IL1RAPL1: variants seen among roughly 807,000 people sequenced by gnomAD.
IL1RAPL1 encodes interleukin 1 receptor accessory protein like 1, also known as interleukin-1 receptor accessory protein-like 1.
In IL1RAPL1, 3 loss-of-function variants were observed where a neutral mutation model predicts 48.4. That is an observed-to-expected ratio of 0.06 (90% CI 0.03 to 0.16). The LOEUF (loss-of-function observed/expected upper bound fraction) is 0.16. Among genes scored for constraint, IL1RAPL1 ranks in the 10% least tolerant of loss-of-function variants. The pLI, the probability that IL1RAPL1 is intolerant of heterozygous loss-of-function variation, is 1.00. For synonymous variants in IL1RAPL1, 185 were observed against 187.7 expected, an observed-to-expected ratio of 0.99 and a Z score of 0.12; for missense variants, 349 against 530.6, an observed-to-expected ratio of 0.66 and a Z score of 3.36.
chrX:28,684,674 C>G (rs1436610635), intron 1 of IL1RAPL1, among the ~76,000 whole-genome samples: 7 of 111,647 alleles, frequency 6.3e-5, no homozygotes, highest in African/African-American at 2.3e-4. Context: ...AATGGTTGTT[C>G]AGCAGTCCAT....
At chrX:28,597,407 CTCT>C (rs1569135386) in intron 1 of IL1RAPL1, among the ~76,000 whole-genome samples, 1 of 111,690 alleles carries the variant, frequency 9.0e-6, no homozygotes, top group Admixed American at 9.5e-5. Flanking sequence ...ATCACTGGCT[CTCT>C]TCATTTTCCT....
intron 6 of IL1RAPL1, among the ~76,000 whole-genome samples, chrX:29,736,569 T>A (rs998582840): frequency 1.8e-5 from 2 of 111,389 alleles, no homozygotes; most frequent in African/African-American, 3.3e-5. Context: ...CTACTAAGAA[T>A]ACAAAAATTA....
intron 2 of IL1RAPL1, among the ~76,000 whole-genome samples, chrX:29,161,309 C>T (rs771252867): frequency 9.0e-6 from 1 of 111,598 alleles, no homozygotes; most frequent in East Asian, 2.8e-4. Flanking sequence ...AATCTGTATT[C>T]TAAGGGCATA....
intron 5 of IL1RAPL1, among the ~76,000 whole-genome samples, chrX:29,630,701 G>A (rs1213290935): frequency 9.0e-6 from 1 of 110,691 alleles, no homozygotes; most frequent in African/African-American, 3.3e-5. Flanking sequence ...ACCATGCCCA[G>A]CTAATTTTTT....
chrX:29,587,354 G>T (rs1923207007), intron 5 of IL1RAPL1, among the ~76,000 whole-genome samples: 1 of 86,659 alleles, frequency 1.2e-5, no homozygotes, highest in Non-Finnish European at 2.2e-5. Flanking sequence ...TAGAATGGTG[G>T]TTACCAGGGG....
At chrX:28,770,351 AG>A (rs1349871771) in intron 1 of IL1RAPL1, among the ~76,000 whole-genome samples, 1 of 111,414 alleles carries the variant, frequency 9.0e-6, no homozygotes, top group Non-Finnish European at 1.9e-5. Context: ...GTGTAGTTTA[AG>A]AACCCTCAAG....
chrX:28,969,091 CAGTACATCCTTCAATA>C, intron 2 of IL1RAPL1, among the ~76,000 whole-genome samples: 1 of 112,373 alleles, frequency 8.9e-6, no homozygotes, highest in Non-Finnish European at 1.9e-5. Context: ...AACTAATGGA[CAGTACATCCTTCAATA>C]AGGAGGAAGT....
chrX:29,687,121 A>G (rs1278576429), intron 6 of IL1RAPL1, among the ~76,000 whole-genome samples: 3 of 111,741 alleles, frequency 2.7e-5, no homozygotes, highest in Non-Finnish European at 3.8e-5. Context: ...AAATAGAACT[A>G]TGATATGTTC....
At chrX:29,628,777 G>T (rs1164360115) in intron 5 of IL1RAPL1, among the ~76,000 whole-genome samples, 5 of 112,075 alleles carry the variant, frequency 4.5e-5, no homozygotes, top group Admixed American at 1.9e-4. Flanking sequence ...GAAGAAGGAA[G>T]AGCTCAATAC....
chrX:29,430,229 C>T (rs909801270), intron 5 of IL1RAPL1, among the ~76,000 whole-genome samples: 20 of 111,063 alleles, frequency 1.8e-4, no homozygotes, highest in Admixed American at 1.4e-3. Flanking sequence ...TTCCTGGGGT[C>T]CCCTTACTAC....
Position 29,251,224 on chromosome X carries a change from A to T in IL1RAPL1, c.83-31714A>T, listed in dbSNP as rs1931612732. Among the ~76,000 whole-genome samples the T allele has an allele frequency of 2.6e-5, 3 of 113,246 alleles. No homozygotes were observed. In the Admixed American group the frequency reaches 2.8e-4, roughly 11 times the overall value. ...GTACGTCAGTGTATATAATTTGTCT[A>T]AATTCTGTATCTTTTATTTATCCAT... On this transcript the variant is annotated intron_variant, in intron 2 of 10. Coordinates refer to ENST00000378993, the MANE Select transcript of IL1RAPL1 (RefSeq NM_014271.4).
intron 2 of IL1RAPL1, among the ~76,000 whole-genome samples, chrX:29,280,134 A>C: frequency 8.9e-6 from 1 of 112,542 alleles, no homozygotes; most frequent in East Asian, 2.8e-4. Context: ...AACTGTTTAA[A>C]AAATTACCAC....
chrX:28,743,291 A>C (rs1205618952), intron 1 of IL1RAPL1, among the ~76,000 whole-genome samples: 1 of 111,621 alleles, frequency 9.0e-6, no homozygotes, highest in Non-Finnish European at 1.9e-5. Flanking sequence ...TAAATCTTAC[A>C]ATCATATCCT....
chrX:29,131,521 A>T (rs1186025743), intron 2 of IL1RAPL1, among the ~76,000 whole-genome samples: 1 of 110,678 alleles, frequency 9.0e-6, no homozygotes, highest in Non-Finnish European at 1.9e-5. Flanking sequence ...GGCTGTTTTG[A>T]CCTATCCATT....
intron 2 of IL1RAPL1, among the ~76,000 whole-genome samples, chrX:29,167,476 T>C (rs1206969989): frequency 9.1e-6 from 1 of 110,168 alleles, no homozygotes; most frequent in African/African-American, 3.3e-5. Context: ...GAGACTGGCC[T>C]GTCTTTTAAA....
At chrX:29,220,780 G>A (rs1930958649) in intron 2 of IL1RAPL1, among the ~76,000 whole-genome samples, 1 of 112,183 alleles carries the variant, frequency 8.9e-6, no homozygotes, top group African/African-American at 3.2e-5. Flanking sequence ...GTACAAATCA[G>A]GGTTTCTCAA....
intron 3 of IL1RAPL1, among the ~76,000 whole-genome samples, chrX:29,285,524 C>CA (rs778913919): frequency 0.036 from 415 of 11,583 alleles, 141 homozygotes; most frequent in East Asian, 0.11. Flanking sequence ...AACTCCGTCT[C>CA]AAAAAAAAAA....
chrX:29,943,095 G>T (rs1415513151), intron 9 of IL1RAPL1, among the ~76,000 whole-genome samples: 2 of 111,341 alleles, frequency 1.8e-5, no homozygotes, highest in Non-Finnish European at 3.8e-5. Flanking sequence ...TATTCAGAAT[G>T]CCTAACACTC....
chrX:29,060,737 A>G (rs889730345), intron 2 of IL1RAPL1, among the ~76,000 whole-genome samples: 1 of 111,917 alleles, frequency 8.9e-6, no homozygotes. Flanking sequence ...AGTAAATAAC[A>G]TACTACAAAA....
Sources: allele counts gnomAD v4.1 joint callset (sites outside exome capture counted in the v4.1 genomes callset), GRCh38; gene constraint gnomAD v4.1.1; transcripts MANE v1.5; gene names NCBI Gene and HGNC (gene_info 2026-07-23, HGNC 2026-07-21).